The following KLHDC4 variants were observed in gnomAD, a reference collection of about 807,000 sequenced individuals.
KLHDC4 encodes the protein kelch domain-containing protein 4.
In KLHDC4, 90 loss-of-function variants were observed where a neutral mutation model predicts 62.4. The observed-to-expected ratio is 1.44, with a 90% CI of 1.22 to 1.72. The LOEUF (loss-of-function observed/expected upper bound fraction) is 1.72, where lower values mean the gene tolerates loss of function less well. KLHDC4 is among the 40% of genes most tolerant of loss of function. KLHDC4 has a pLI of 0.00. For missense variants in KLHDC4, 1,025 were observed against 699.7 expected, an observed-to-expected ratio of 1.47 and a Z score of -5.25; for synonymous variants, 386 against 284.4, an observed-to-expected ratio of 1.36 and a Z score of -3.59.
downstream of KLHDC4, chr16:87,702,934 T>C (rs2142880466): frequency 6.6e-6 from 1 of 152,452 alleles, no homozygotes; most frequent in South Asian, 2.1e-4. Flanking sequence ...TGATTACTTA[T>C]GAAATGAAAA....
In KLHDC4 at chr16:87,730,628, A is replaced by C. The variant is rs775712833; in HGVS notation, c.523T>G (p.Ser175Ala). 71 of 1,612,670 alleles carry C rather than the reference A, an allele frequency of 4.4e-5. No individual in the cohort carries two copies. The highest frequency in any genetic ancestry group is 5.3e-5 in the Non-Finnish European group (62 of 1,179,722). ...WEQVKSTGGP[S>A]GRSGHRMVAW... ...ACCATCCGATGTCCACTCCGACCCGAAGGACCGCCTGTTGATCTAAAATGA... is the reference window on the plus strand; with the variant it reads ...ACCATCCGATGTCCACTCCGACCCGCAGGACCGCCTGTTGATCTAAAATGA... The change falls in exon 6 of 12, where the codon TCG (serine) becomes GCG (alanine). Residue 175 changes from serine (S) to alanine (A), a missense_variant. By Grantham distance (99) the Ser-to-Ala change is moderately conservative (BLOSUM62 1). Coordinates refer to ENST00000270583, the MANE Select transcript of KLHDC4 (RefSeq NM_017566.4).
chr16:87,764,419 G>T (rs2046305831), intron 1 of KLHDC4, among the ~76,000 whole-genome samples: 1 of 152,014 alleles, frequency 6.6e-6, no homozygotes. Context: ...GGAGGCCGAG[G>T]CGAGCGCATC....
chr16:87,711,462 G>C lies in KLHDC4; in HGVS notation c.836-19C>G. ...CACTTGTCTGTCAAAAGAGAACAAG[G>C]AAGTGGGATAAGAACACAAGGAAGG... On this transcript the variant is annotated intron_variant, in intron 8 of 11. Coordinates refer to ENST00000270583, the MANE Select transcript of KLHDC4 (RefSeq NM_017566.4). 1 of 1,595,510 alleles carries C rather than the reference G, an allele frequency of 6.3e-7. No homozygotes were observed. The highest frequency in any genetic ancestry group is 8.5e-7 in the Non-Finnish European group (1 of 1,172,720).
At chr16:87,719,035 C>T (rs1362211307) in intron 7 of KLHDC4, among the ~76,000 whole-genome samples, 1 of 151,828 alleles carries the variant, frequency 6.6e-6, no homozygotes, top group Non-Finnish European at 1.5e-5. Context: ...CCAGCAGCCA[C>T]CCCATCCGGG....
chr16:87,729,642 C>T (rs1349889283), intron 6 of KLHDC4, among the ~76,000 whole-genome samples: 4 of 152,260 alleles, frequency 2.6e-5, no homozygotes, highest in African/African-American at 9.6e-5. Context: ...CCGCAGCTCA[C>T]CCTGGGCAGC....
At chr16:87,703,059 T>C (rs2034233253), downstream of KLHDC4, 1 of 152,282 alleles carries the variant, frequency 6.6e-6, no homozygotes, top group Non-Finnish European at 1.5e-5. Flanking sequence ...TGTGACACTT[T>C]GGAACGCTTC....
intron 9 of KLHDC4, chr16:87,710,955 C>T: frequency 2.3e-6 from 1 of 427,198 alleles, no homozygotes; most frequent in Non-Finnish European, 4.3e-6. Flanking sequence ...AAACCCTTCT[C>T]ACACAGAGGG....
chr16:87,757,186 TA>T, intron 2 of KLHDC4, among the ~76,000 whole-genome samples: 1 of 151,614 alleles, frequency 6.6e-6, no homozygotes, highest in Non-Finnish European at 1.5e-5. Context: ...GTCCAGTAAC[TA>T]GGCCAGGAGC....
intron 5 of KLHDC4, among the ~76,000 whole-genome samples, chr16:87,739,503 C>G (rs369126544): frequency 0.16 from 21,443 of 130,666 alleles, 1,369 homozygotes; most frequent in South Asian, 0.23. Context: ...CATCCACACA[C>G]CAGCACCTCA....
chr16:87,744,455 C>T (rs1474456499), intron 5 of KLHDC4, among the ~76,000 whole-genome samples: 3 of 150,524 alleles, frequency 2.0e-5, no homozygotes, highest in Non-Finnish European at 3.0e-5. Flanking sequence ...TGATGGCAGA[C>T]ACCTGTAATC....
chr16:87,725,921 A>C (rs919174991), intron 7 of KLHDC4, among the ~76,000 whole-genome samples: 4 of 152,172 alleles, frequency 2.6e-5, no homozygotes, highest in Non-Finnish European at 5.9e-5. Context: ...ACTACTACAC[A>C]GTAGTGAGCG....
downstream of KLHDC4, among the ~76,000 whole-genome samples, chr16:87,704,960 C>T (rs1335283846): frequency 6.6e-6 from 1 of 152,010 alleles, no homozygotes; most frequent in Non-Finnish European, 1.5e-5. Context: ...ACGATTCATC[C>T]TTTAAAATCC....
intron 2 of KLHDC4, among the ~76,000 whole-genome samples, chr16:87,759,656 G>T (rs146294279): frequency 1.3e-5 from 2 of 149,748 alleles, no homozygotes; most frequent in Non-Finnish European, 3.0e-5. Context: ...TGAGGCAGGA[G>T]AATCACTTGA....
downstream of KLHDC4, among the ~76,000 whole-genome samples, chr16:87,706,230 G>GAA (rs1465008284): frequency 1.0e-5 from 1 of 99,620 alleles, no homozygotes; most frequent in African/African-American, 3.9e-5. Context: ...CTCGGGGGGG[G>GAA]GTCAGCGCAA....
chr16:87,736,559 G>A (rs2041352185), intron 5 of KLHDC4, among the ~76,000 whole-genome samples: 1 of 152,106 alleles, frequency 6.6e-6, no homozygotes, highest in Admixed American at 6.6e-5. Context: ...CACATGCCTT[G>A]GAAACTTCGC....
intron 2 of KLHDC4, among the ~76,000 whole-genome samples, chr16:87,757,048 C>T (rs1212258460): frequency 6.6e-6 from 1 of 151,980 alleles, no homozygotes; most frequent in Admixed American, 6.5e-5. Flanking sequence ...CTCCGGACCT[C>T]AAGTGATCTG....
At position 87,708,335 on chromosome 16, in the gene KLHDC4, C is replaced by A; in HGVS notation, c.*1+15G>T. On this transcript the variant is annotated intron_variant, in intron 11 of 11. Transcript: ENST00000270583. ...ACCCAGCAGCCGCGCCACCCGCCAG[C>A]CCGAGCCCGCTCACCTCAGTCCTCC... The A allele has an allele frequency of 6.5e-7, 1 of 1,547,664 alleles. No individual in the cohort carries two copies.
In KLHDC4 at chr16:87,723,586, C is replaced by T. The variant is rs566143112; in HGVS notation, c.759+3179G>A. ...GCCAGAATATCTAGACAAGCCTGACCGATGCCAGCCACTACTCCAGAAAAT... is the reference window on the plus strand; with the variant it reads ...GCCAGAATATCTAGACAAGCCTGACTGATGCCAGCCACTACTCCAGAAAAT... On this transcript the variant is annotated intron_variant, in intron 7 of 11. Coordinates refer to ENST00000270583, the MANE Select transcript of KLHDC4 (RefSeq NM_017566.4). Among the ~76,000 whole-genome samples, 16 of 152,374 alleles carry T rather than the reference C, an allele frequency of 1.1e-4. 1 individual carries two copies. The South Asian group carries it at 3.1e-3, about 30-fold the overall frequency.
At chr16:87,762,464 T>G (rs998752445) in intron 1 of KLHDC4, among the ~76,000 whole-genome samples, 1 of 152,214 alleles carries the variant, frequency 6.6e-6, no homozygotes, top group African/African-American at 2.4e-5. Flanking sequence ...GCAGACACCC[T>G]CAGCACCTCT....
Sources: gnomAD v4.1 joint callset for allele counts (sites outside exome capture counted in the v4.1 genomes callset) on GRCh38, gnomAD v4.1.1 for gene constraint, MANE v1.5 for transcripts, NCBI Gene and HGNC (gene_info 2026-07-23, HGNC 2026-07-21) for gene names.